LRMDA: variants seen among roughly 807,000 people sequenced by gnomAD.
LRMDA encodes leucine-rich melanocyte differentiation-associated protein.
In LRMDA, 18 loss-of-function variants were observed where a neutral mutation model predicts 29.8. The observed-to-expected ratio is 0.60, with a 90% CI of 0.42 to 0.90. The LOEUF (loss-of-function observed/expected upper bound fraction) is 0.90, where lower values mean the gene tolerates loss of function less well. Among genes scored for constraint, LRMDA ranks in the 40% least tolerant of loss-of-function variants. The probability of loss-of-function intolerance (pLI) is 0.00; values close to 1 mark genes in which losing one functional copy is unlikely to be tolerated. For missense variants in LRMDA, 273 were observed against 273.9 expected, an observed-to-expected ratio of 1.00 and a Z score of 0.02; for synonymous variants, 125 against 109.4, an observed-to-expected ratio of 1.14 and a Z score of -0.89.
At chr10:75,617,506 A>T (rs1395166701) in intron 2 of LRMDA, among the ~76,000 whole-genome samples, 1 of 152,162 alleles carries the variant, frequency 6.6e-6, no homozygotes, top group Non-Finnish European at 1.5e-5. Context: ...TGCTTTTATT[A>T]TGCTGCTCTC....
chr10:76,145,503 A>C (rs1210793286), intron 5 of LRMDA, among the ~76,000 whole-genome samples: 1 of 151,928 alleles, frequency 6.6e-6, no homozygotes, highest in Non-Finnish European at 1.5e-5. Flanking sequence ...ATTCTCTGAT[A>C]GTAGTTTGTA....
intron 2 of LRMDA, among the ~76,000 whole-genome samples, chr10:75,532,998 A>G (rs951695524): frequency 1.3e-5 from 2 of 152,206 alleles, no homozygotes; most frequent in African/African-American, 4.8e-5. Flanking sequence ...GTATAATATT[A>G]ATACAAGACA....
intron 6 of LRMDA, among the ~76,000 whole-genome samples, chr10:76,327,439 C>A (rs1304450276): frequency 1.3e-5 from 2 of 152,172 alleles, no homozygotes; most frequent in African/African-American, 4.8e-5. Context: ...CAGGTATCAG[C>A]TTACATATCA....
intron 2 of LRMDA, among the ~76,000 whole-genome samples, chr10:75,720,054 C>T (rs1184130861): frequency 6.6e-6 from 1 of 152,148 alleles, no homozygotes; most frequent in Non-Finnish European, 1.5e-5. Context: ...AAACGGCAAA[C>T]TTCTTGTGTT....
In LRMDA at chr10:75,438,455, A is replaced by G. The variant is rs1844287592; in HGVS notation, c.92A>G (p.His31Arg). 3.9e-6 allele frequency: 6 copies of G among 1,550,892 alleles called. No homozygotes were observed. The African/African-American group carries it at 5.5e-5, about 14-fold the overall frequency. ...GAGCACCTTGGCAGGGACTGTGGAC[A>G]TTTCGCAAAGAGGCTTGATCTGAGC... The part of the protein sequence containing the change: ...IPEHLGRDCG[H>R]FAKRLDLSFN... The change falls in exon 2 of 7, where the codon CAT becomes CGT. Residue 31 changes from histidine to arginine, a missense_variant. By Grantham distance (29) the His-to-Arg change is conservative. Transcript: ENST00000611255.
At chr10:76,103,821 C>T (rs1020450528) in intron 5 of LRMDA, among the ~76,000 whole-genome samples, 11 of 151,968 alleles carry the variant, frequency 7.2e-5, no homozygotes, top group Non-Finnish European at 1.3e-4. Flanking sequence ...GAGGCTGAGG[C>T]GGGTGGATCA....
intron 6 of LRMDA, among the ~76,000 whole-genome samples, chr10:76,504,500 T>C (rs1221277592): frequency 1.3e-5 from 2 of 152,088 alleles, no homozygotes; most frequent in Admixed American, 6.6e-5. Context: ...GCTCCAATGT[T>C]GGGTACATAT....
rs374787695 is a variant in LRMDA at position 75,634,988 on chromosome 10, A to C, written c.131+196494A>C. Among the ~76,000 whole-genome samples, 9 of 152,340 alleles carry C rather than the reference A, an allele frequency of 5.9e-5. No individual in the cohort carries two copies. The East Asian group carries it at 1.5e-3, about 26-fold the overall frequency. On this transcript the variant is annotated intron_variant, in intron 2 of 6. Coordinates refer to ENST00000611255, the MANE Select transcript of LRMDA (RefSeq NM_001305581.2). ...CAAATAGTCCAAATTTATCAAGTTG[A>C]AATCCCATGAAAAGGTAGTCTTCCC... is the stretch of plus-strand genomic sequence containing the variant.
At chr10:76,248,103 G>C (rs1174184208) in intron 5 of LRMDA, among the ~76,000 whole-genome samples, 3 of 152,140 alleles carry the variant, frequency 2.0e-5, no homozygotes, top group Non-Finnish European at 2.9e-5. Flanking sequence ...CAATAGTCCA[G>C]GACAGTGGCT....
chr10:75,478,552 AG>A (rs2132051237), intron 2 of LRMDA, among the ~76,000 whole-genome samples: 1 of 152,324 alleles, frequency 6.6e-6, no homozygotes, highest in African/African-American at 2.4e-5. Flanking sequence ...TGCATTTAAA[AG>A]GCTGTTCTTT....
At chr10:76,180,977 C>G (rs1025648859) in intron 5 of LRMDA, among the ~76,000 whole-genome samples, 2 of 152,126 alleles carry the variant, frequency 1.3e-5, no homozygotes, top group Non-Finnish European at 2.9e-5. Flanking sequence ...TGGGTCGATG[C>G]TTGGGCTGGG....
intron 6 of LRMDA, among the ~76,000 whole-genome samples, chr10:76,337,614 T>C (rs1840985325): frequency 6.6e-6 from 1 of 152,078 alleles, no homozygotes; most frequent in South Asian, 2.1e-4. Flanking sequence ...GAGTGGTAGA[T>C]GAAGCCAGAA....
At chr10:75,489,872 A>G (rs1844962610) in intron 2 of LRMDA, among the ~76,000 whole-genome samples, 1 of 152,184 alleles carries the variant, frequency 6.6e-6, no homozygotes, top group African/African-American at 2.4e-5. Context: ...GTCATGGGTA[A>G]TAAGAATAAT....
chr10:75,983,045 ACT>A (rs1847201010), intron 2 of LRMDA, among the ~76,000 whole-genome samples: 1 of 152,138 alleles, frequency 6.6e-6, no homozygotes, highest in Non-Finnish European at 1.5e-5. Context: ...ATAGGGTCTG[ACT>A]CTGCATCCTG....
intron 2 of LRMDA, among the ~76,000 whole-genome samples, chr10:75,444,119 C>T (rs1278576365): frequency 6.6e-6 from 1 of 152,134 alleles, no homozygotes; most frequent in Admixed American, 6.5e-5. Flanking sequence ...AAGTTCTGGA[C>T]TTTTGTTTGA....
chr10:76,157,639 A>G (rs192759254), intron 5 of LRMDA, among the ~76,000 whole-genome samples: 32 of 151,734 alleles, frequency 2.1e-4, no homozygotes, highest in African/African-American at 6.3e-4. Flanking sequence ...AAGACCCTAA[A>G]TGAAGGCTTA....
chr10:76,423,084 A>G (rs959994174), intron 6 of LRMDA, among the ~76,000 whole-genome samples: 6 of 152,230 alleles, frequency 3.9e-5, no homozygotes, highest in Non-Finnish European at 7.3e-5. Context: ...AACTCCACGA[A>G]GATGAGTGTA....
chr10:76,175,974 A>G (rs1399670700), intron 5 of LRMDA, among the ~76,000 whole-genome samples: 1 of 152,100 alleles, frequency 6.6e-6, no homozygotes, highest in Non-Finnish European at 1.5e-5. Context: ...AGCGATGTAC[A>G]CTGTGCAGAT....
At chr10:76,241,652 T>C (rs1180623095) in intron 5 of LRMDA, among the ~76,000 whole-genome samples, 1 of 152,170 alleles carries the variant, frequency 6.6e-6, no homozygotes, top group African/African-American at 2.4e-5. Flanking sequence ...AGGCACAGGA[T>C]TCCCTTCATC....
Sources: gnomAD v4.1 joint callset for allele counts (sites outside exome capture counted in the v4.1 genomes callset) on GRCh38, gnomAD v4.1.1 for gene constraint, MANE v1.5 for transcripts, NCBI Gene and HGNC (gene_info 2026-07-23, HGNC 2026-07-21) for gene names.